TUBGCP3: variants seen among roughly 807,000 people sequenced by gnomAD.
TUBGCP3 encodes the protein gamma-tubulin complex component 3.
In TUBGCP3, 50 loss-of-function variants were observed where a neutral mutation model predicts 123.1. The ratio of observed to expected loss-of-function variants is 0.41; its 90% CI spans 0.32 to 0.51. The LOEUF is 0.51. Among genes scored for constraint, TUBGCP3 ranks in the 20% least tolerant of loss-of-function variants. TUBGCP3 has a pLI of 0.36. For missense variants in TUBGCP3, 882 were observed against 1,127.0 expected (o/e 0.78, Z 3.11); for synonymous variants, 405 against 413.9 (o/e 0.98, Z 0.26).
intron 11 of TUBGCP3, among the ~76,000 whole-genome samples, chr13:112,540,584 T>C (rs944925150): frequency 3.4e-5 from 5 of 146,100 alleles, no homozygotes; most frequent in Non-Finnish European, 4.5e-5. Flanking sequence ...AGGACGTCAA[T>C]GTAGTAGCCT....
rs1880314839 is a variant in TUBGCP3, at chr13:112,559,396, C to T, written c.256G>A (p.Val86Ile). Reference sequence around the variant, plus strand: ...AGTATTGACCATTTATTTTTCAAAACTCCCTGTTTGGAAAAAAGTTAATAT... The same window carrying T: ...AGTATTGACCATTTATTTTTCAAAATTCCCTGTTTGGAAAAAAGTTAATAT... Reference protein sequence around the residue: ...ELHRKLHSQGVLKNKWSILYL... With the variant: ...ELHRKLHSQGILKNKWSILYL... Residue 86 changes from valine (V) to isoleucine (I), a missense_variant, in exon 4 of 22, where the codon GTT becomes ATT. Transcript: ENST00000261965. 1 of 1,595,700 alleles carries T rather than the reference C, an allele frequency of 6.3e-7. No individual in the cohort carries two copies. The highest frequency in any genetic ancestry group is 2.3e-5 in the East Asian group (1 of 44,164).
chr13:112,585,332 A>G (rs1012524416), intron 1 of TUBGCP3, among the ~76,000 whole-genome samples: 43 of 152,258 alleles, frequency 2.8e-4, no homozygotes, highest in African/African-American at 1.0e-3. Flanking sequence ...ATGAAAGAAC[A>G]AGGTAAGCTA....
chr13:112,563,433 T>C (rs1880678034), intron 3 of TUBGCP3, among the ~76,000 whole-genome samples: 1 of 152,088 alleles, frequency 6.6e-6, no homozygotes, highest in South Asian at 2.1e-4. Context: ...GTTTCAGTCA[T>C]GCAATGAAAA....
intron 13 of TUBGCP3, 145 bp downstream of exon 13, chr13:112,526,797 A>G (rs1486625201): frequency 3.2e-6 from 2 of 622,100 alleles, no homozygotes; most frequent in South Asian, 2.2e-5. Context: ...CAACATCATT[A>G]TCATCACATC....
intron 8 of TUBGCP3, among the ~76,000 whole-genome samples, chr13:112,551,972 C>G (rs1336988362): frequency 6.6e-6 from 1 of 152,142 alleles, no homozygotes; most frequent in Non-Finnish European, 1.5e-5. Flanking sequence ...ACCTAGATCC[C>G]TTGAATGCAC....
intron 11 of TUBGCP3, among the ~76,000 whole-genome samples, chr13:112,540,328 C>T (rs1319316374): frequency 2.2e-5 from 3 of 137,222 alleles, no homozygotes; most frequent in African/African-American, 5.1e-5. Flanking sequence ...GGAATGAGGA[C>T]GTCAATGTAG....
intron 11 of TUBGCP3, among the ~76,000 whole-genome samples, chr13:112,538,539 G>C (rs1838674803): frequency 1.3e-5 from 2 of 152,106 alleles, no homozygotes; most frequent in South Asian, 4.1e-4. Flanking sequence ...TCAAGTTGCT[G>C]ACTTTCTTCT....
chr13:112,531,767 G>A (rs1035013446), intron 11 of TUBGCP3, among the ~76,000 whole-genome samples: 2 of 151,812 alleles, frequency 1.3e-5, no homozygotes, highest in African/African-American at 4.8e-5. Flanking sequence ...ACACAGCTTG[G>A]GTACGCTTTA....
chr13:112,586,143 G>A (rs1007254385), intron 1 of TUBGCP3, among the ~76,000 whole-genome samples: 1 of 151,764 alleles, frequency 6.6e-6, no homozygotes, highest in African/African-American at 2.4e-5. Flanking sequence ...GGAGGCTGAG[G>A]CAGGAGAATG....
intron 17 of TUBGCP3, among the ~76,000 whole-genome samples, chr13:112,511,000 C>T (rs949401198): frequency 2.0e-5 from 3 of 152,160 alleles, no homozygotes; most frequent in Non-Finnish European, 4.4e-5. Flanking sequence ...ACAGTTGATA[C>T]ACATTAAGGA....
At chr13:112,505,153 C>T (rs936013445) in intron 17 of TUBGCP3, among the ~76,000 whole-genome samples, 2 of 152,130 alleles carry the variant, frequency 1.3e-5, no homozygotes, top group African/African-American at 4.8e-5. Context: ...GTGGCCTTAC[C>T]GCCTGTGAGA....
chr13:112,545,645 C>A lies in TUBGCP3; in HGVS notation c.1335+54G>T, dbSNP rs1878926532. The A allele has an allele frequency of 4.4e-6, 7 of 1,591,384 alleles. No individual in the cohort carries two copies. Among genetic ancestry groups the A allele is most frequent in the Non-Finnish European group, 6.0e-6 (7 of 1,160,812 alleles). ...TGAGGGGAAAAATGAAACAGCATAA[C>A]TGCGTGCCCATGCTTTTTAAATCCA... is the stretch of plus-strand genomic sequence containing the variant. On this transcript the variant is annotated intron_variant, in intron 11 of 21. Transcript: ENST00000261965. The surrounding 1 kb of genome is among the most constrained non-coding windows in gnomAD (Gnocchi z 4.1).
chr13:112,549,296 G>C (rs1282450339), intron 8 of TUBGCP3, among the ~76,000 whole-genome samples: 1 of 151,708 alleles, frequency 6.6e-6, no homozygotes, highest in East Asian at 1.9e-4. Context: ...GAGAACACTT[G>C]GACACAGGGT....
In TUBGCP3 at chr13:112,508,835, C is replaced by T. The variant is rs1352036674; in HGVS notation, c.2087-4121G>A. Among the ~76,000 whole-genome samples, 4 of 152,120 alleles carry T rather than the reference C, an allele frequency of 2.6e-5. No individual in the cohort carries two copies. The highest frequency in any genetic ancestry group is 5.9e-5 in the Non-Finnish European group (4 of 68,024). The stretch of plus-strand genomic sequence containing the variant: ...GAGACTCCAACCACCTCCTGGCCTC[C>T]GTACACGCATCACCTGGTCCTGCTG... On this transcript the variant is annotated intron_variant, in intron 17 of 21. Coordinates refer to ENST00000261965, the MANE Select transcript of TUBGCP3 (RefSeq NM_006322.6). This position sits in a 1 kb window ranked among gnomAD's most constrained non-coding sequence, Gnocchi z 4.2.
intron 17 of TUBGCP3, among the ~76,000 whole-genome samples, chr13:112,506,943 G>A (rs12873169): frequency 2.0e-5 from 3 of 152,330 alleles, no homozygotes; most frequent in Admixed American, 2.0e-4. Context: ...CCCCACTGAA[G>A]TCACTGGACT....
At chr13:112,583,235 A>C (rs932567508) in intron 1 of TUBGCP3, among the ~76,000 whole-genome samples, 1 of 152,232 alleles carries the variant, frequency 6.6e-6, no homozygotes, top group South Asian at 2.1e-4. Flanking sequence ...ATTGTTATTA[A>C]CCTGAAAATA....
chr13:112,588,016 G>A lies in TUBGCP3; in HGVS notation c.-36C>T, dbSNP rs779208977. 5 of 1,390,652 alleles carry A rather than the reference G, an allele frequency of 3.6e-6. No individual in the cohort carries two copies. The highest frequency in any genetic ancestry group is 6.0e-5 in the East Asian group (2 of 33,080). 86.1% of individuals were successfully genotyped at this position (1,390,652 alleles called of 1,614,324 possible). On this transcript the variant is annotated 5_prime_UTR_variant, in exon 1 of 22. Transcript: ENST00000261965. ...AGCCGTGCACGGTGGTCCGGGCAGA[G>A]CCGCCACTGCCGCCGCACGCGCAGG...
chr13:112,501,976 C>T (rs1880936631), intron 19 of TUBGCP3, among the ~76,000 whole-genome samples: 3 of 152,168 alleles, frequency 2.0e-5, no homozygotes, highest in South Asian at 4.1e-4. Flanking sequence ...CTACATTCTC[C>T]GTAAGCTGTG....
At chr13:112,549,792 A>G (rs1234643874) in intron 8 of TUBGCP3, among the ~76,000 whole-genome samples, 1 of 152,004 alleles carries the variant, frequency 6.6e-6, no homozygotes, top group South Asian at 2.1e-4. Flanking sequence ...GATCGAGACC[A>G]TCCTGGCTAA....
Sources: gnomAD v4.1 joint callset for allele counts (sites outside exome capture counted in the v4.1 genomes callset) on GRCh38, gnomAD v4.1.1 for gene constraint, Gnocchi (gnomAD v3.1) non-coding constraint, MANE v1.5 for transcripts, NCBI Gene and HGNC (gene_info 2026-07-23, HGNC 2026-07-21) for gene names.